The following C13orf46 variants were observed in gnomAD, a reference collection of about 807,000 sequenced individuals.
The protein encoded by C13orf46 is uncharacterized protein C13orf46.
At chr13:113,961,061 G>A in intron 6 of C13orf46, among the ~76,000 whole-genome samples, 1 of 152,160 alleles carries the variant, frequency 6.6e-6, no homozygotes. Flanking sequence ...TTAAATGAGT[G>A]ACTATTATTT....
chr13:113,939,355 G>A, the C13orf46 span, among the ~76,000 whole-genome samples: 4 of 148,408 alleles, frequency 2.7e-5, no homozygotes, highest in South Asian at 2.1e-4. Flanking sequence ...GAGACCACCC[G>A]ATGGGGAGGA....
At chr13:113,957,015 G>A (rs2052540653) in intron 6 of C13orf46, among the ~76,000 whole-genome samples, 176 bp from the exon 7 acceptor site, 1 of 150,868 alleles carries the variant, frequency 6.6e-6, no homozygotes, top group African/African-American at 2.4e-5. Context: ...ACCTGCATAT[G>A]CACCCCCGTT....
chr13:113,942,185 C>A, the C13orf46 span, among the ~76,000 whole-genome samples: 6 of 152,214 alleles, frequency 3.9e-5, no homozygotes, highest in Non-Finnish European at 7.3e-5. Flanking sequence ...TTTCACAAAC[C>A]ACAGAATACA....
the C13orf46 span, among the ~76,000 whole-genome samples, chr13:113,938,971 G>A: frequency 9.2e-5 from 14 of 152,140 alleles, no homozygotes; most frequent in South Asian, 1.9e-3. Context: ...TGGGAACCCA[G>A]CCACCCCCAC....
chr13:113,936,864 G>C, the C13orf46 span, among the ~76,000 whole-genome samples: 1 of 151,644 alleles, frequency 6.6e-6, no homozygotes. Flanking sequence ...TCAAAGGCCA[G>C]TCTTAGGTTC....
At chr13:113,936,199 G>C in the C13orf46 span, among the ~76,000 whole-genome samples, 1 of 152,200 alleles carries the variant, frequency 6.6e-6, no homozygotes, top group South Asian at 2.1e-4. Flanking sequence ...GCAAGTAACT[G>C]CCAGCGGCTT....
chr13:113,973,407 C>T (rs1043246549), intron 1 of C13orf46, among the ~76,000 whole-genome samples: 7 of 152,140 alleles, frequency 4.6e-5, no homozygotes, highest in Admixed American at 3.3e-4. Flanking sequence ...GTCACGGAGC[C>T]GGACGAGGAT....
At chr13:113,936,490 C>G in the C13orf46 span, among the ~76,000 whole-genome samples, 19 of 152,364 alleles carry the variant, frequency 1.2e-4, no homozygotes, top group East Asian at 3.5e-3. Flanking sequence ...TTACAAGCCA[C>G]TTCAGACCCT....
At chr13:113,927,709 C>T in the C13orf46 span, 2 of 398,126 alleles carry the variant, frequency 5.0e-6, no homozygotes, top group Non-Finnish European at 8.9e-6. Context: ...CATCTGAATT[C>T]ACCAGCGTTT....
chr13:113,956,397 A>C lies in C13orf46; in HGVS notation c.*376T>G, dbSNP rs2052534834. 6.8e-6 allele frequency: 1 copy of C among 146,020 alleles called. No individual in the cohort carries two copies. Among genetic ancestry groups the C allele is most frequent in the Non-Finnish European group, 1.4e-5 (1 of 69,962 alleles). 9.0% of individuals were successfully genotyped at this position (146,020 alleles called of 1,614,324 possible). A position where few individuals can be genotyped will look rare whatever the true frequency, so the allele number is the denominator to read the frequency against. Reference sequence around the variant, plus strand: ...GGTGGAGAGGAGGAGCATCTGGTGGAGAGGAGGAGCATCTGGTGGAGAGGA... The same window carrying C: ...GGTGGAGAGGAGGAGCATCTGGTGGCGAGGAGGAGCATCTGGTGGAGAGGA... On this transcript the variant is annotated 3_prime_UTR_variant, in exon 7 of 7. Transcript: ENST00000636427.
the C13orf46 span, among the ~76,000 whole-genome samples, chr13:113,935,985 G>A: frequency 6.6e-6 from 1 of 152,244 alleles, no homozygotes; most frequent in Admixed American, 6.5e-5. Flanking sequence ...GCACTGAGTT[G>A]ATGAAAAGAC....
intron 1 of C13orf46, among the ~76,000 whole-genome samples, chr13:113,973,412 G>A (rs1422811839): frequency 2.0e-5 from 3 of 152,152 alleles, no homozygotes; most frequent in East Asian, 1.9e-4. Context: ...GGAGCCGGAC[G>A]AGGATACAAG....
the C13orf46 span, among the ~76,000 whole-genome samples, chr13:113,937,328 C>A: frequency 6.6e-6 from 1 of 152,200 alleles, no homozygotes; most frequent in African/African-American, 2.4e-5. Flanking sequence ...CAGTCCACAT[C>A]GTGGCCACGT....
the C13orf46 span, among the ~76,000 whole-genome samples, chr13:113,934,119 T>C: frequency 1.3e-5 from 2 of 152,160 alleles, no homozygotes; most frequent in Non-Finnish European, 2.9e-5. Flanking sequence ...AAGAGTGTTA[T>C]GGGAACGGAG....
chr13:113,932,250 A>G, the C13orf46 span, among the ~76,000 whole-genome samples: 2 of 152,226 alleles, frequency 1.3e-5, no homozygotes, highest in African/African-American at 4.8e-5. Context: ...GGACGTTCCC[A>G]GAACAGACAT....
At chr13:113,951,345 C>T (rs1025272402), downstream of C13orf46, among the ~76,000 whole-genome samples, 4 of 152,184 alleles carry the variant, frequency 2.6e-5, no homozygotes, top group Admixed American at 6.5e-5. Flanking sequence ...GTCGTCCCTG[C>T]GGGCCGGGCT....
chr13:113,934,740 C>A, the C13orf46 span, among the ~76,000 whole-genome samples: 1 of 152,244 alleles, frequency 6.6e-6, no homozygotes, highest in African/African-American at 2.4e-5. Flanking sequence ...GAAAACCAGA[C>A]CTGAGCGTGT....
chr13:113,945,597 GAAAGAAAGA>G, the C13orf46 span, among the ~76,000 whole-genome samples: 217 of 121,570 alleles, frequency 1.8e-3, no homozygotes, highest in Admixed American at 2.3e-3. Context: ...GAGAGAGAAA[GAAAGAAAGA>G]AGAAAGAAAG....
intron 6 of C13orf46, among the ~76,000 whole-genome samples, chr13:113,959,385 G>A (rs1381672647): frequency 6.6e-6 from 1 of 152,200 alleles, no homozygotes; most frequent in African/African-American, 2.4e-5. Context: ...TGGGTAGAAT[G>A]TGTGAGGCTG....
Sources: gnomAD v4.1 joint callset for allele counts (sites outside exome capture counted in the v4.1 genomes callset) on GRCh38, gnomAD v4.1.1 for gene constraint, MANE v1.5 for transcripts, NCBI Gene and HGNC (gene_info 2026-07-23, HGNC 2026-07-21) for gene names.